Variants in COMMD10 observed in about 807,000 individuals in gnomAD.
The protein encoded by COMMD10 is COMM domain containing 10.
In COMMD10, 33 loss-of-function variants were observed where a neutral mutation model predicts 28.9. The observed-to-expected ratio is 1.14, with a 90% CI of 0.87 to 1.53. COMMD10 has a LOEUF of 1.53. Ranked by LOEUF, COMMD10 falls within the 40% of genes most tolerant of loss-of-function variation. The pLI, the probability that COMMD10 is intolerant of heterozygous loss-of-function variation, is 0.00. For missense variants in COMMD10, 310 were observed against 233.4 expected (o/e 1.33, Z -2.14); for synonymous variants, 110 against 81.7 (o/e 1.35, Z -1.87).
intron 5 of COMMD10, among the ~76,000 whole-genome samples, chr5:116,247,802 G>A (rs1749992761): frequency 6.6e-6 from 1 of 151,952 alleles, no homozygotes; most frequent in Non-Finnish European, 1.5e-5. Flanking sequence ...ACAAACTCTG[G>A]GGTCTATTGG....
intron 2 of COMMD10, 138 bp from the exon 3 acceptor site, chr5:116,090,941 A>G (rs1049527245): frequency 3.6e-6 from 2 of 553,368 alleles, no homozygotes; most frequent in Non-Finnish European, 6.5e-6. Flanking sequence ...ATAAATTTAC[A>G]TGCACATCAG....
At chr5:116,138,204 C>T (rs1752087236) in intron 5 of COMMD10, among the ~76,000 whole-genome samples, 1 of 151,656 alleles carries the variant, frequency 6.6e-6, no homozygotes, top group Non-Finnish European at 1.5e-5. Context: ...CATGATTTGG[C>T]TTTTGAAATT....
At chr5:116,180,093 A>C (rs1342804046) in intron 5 of COMMD10, among the ~76,000 whole-genome samples, 1 of 152,120 alleles carries the variant, frequency 6.6e-6, no homozygotes, top group Non-Finnish European at 1.5e-5. Flanking sequence ...GGTTTTTGAG[A>C]GCTTTCCATA....
intron 5 of COMMD10, among the ~76,000 whole-genome samples, chr5:116,146,100 A>G (rs1162442225): frequency 6.6e-6 from 1 of 151,866 alleles, no homozygotes; most frequent in Non-Finnish European, 1.5e-5. Context: ...GACCTGGTGT[A>G]CAGTTTATCT....
chr5:116,216,371 G>C (rs4921081), intron 5 of COMMD10, among the ~76,000 whole-genome samples: 8,527 of 152,110 alleles, frequency 0.056, 387 homozygotes, highest in African/African-American at 0.12. Context: ...TTGTTCTTGT[G>C]CTTTCAGTAG....
intron 5 of COMMD10, among the ~76,000 whole-genome samples, chr5:116,290,017 G>A (rs773065518): frequency 6.6e-6 from 1 of 151,876 alleles, no homozygotes; most frequent in Non-Finnish European, 1.5e-5. Context: ...ACAAAGCAAA[G>A]CAAAATATAG....
At chr5:116,112,794 A>G (rs1297801590) in intron 4 of COMMD10, among the ~76,000 whole-genome samples, 1 of 151,776 alleles carries the variant, frequency 6.6e-6, no homozygotes, top group Non-Finnish European at 1.5e-5. Flanking sequence ...TGTTCCTGTC[A>G]TATTGTTTTT....
At chr5:116,212,522 G>GTGTGTGTA (rs71223098) in intron 5 of COMMD10, among the ~76,000 whole-genome samples, 26 of 132,134 alleles carry the variant, frequency 2.0e-4, no homozygotes, top group South Asian at 1.1e-3. Flanking sequence ...GTGTGTGTGT[G>GTGTGTGTA]TAGAATGTGA....
chr5:116,114,624 G>GC (rs1185585666), intron 4 of COMMD10, among the ~76,000 whole-genome samples: 1 of 152,214 alleles, frequency 6.6e-6, no homozygotes, highest in East Asian at 1.9e-4. Context: ...GATTGGGAAA[G>GC]CCTGGGCTTG....
chr5:116,089,871 C>G (rs576615481), intron 2 of COMMD10, among the ~76,000 whole-genome samples: 4 of 152,202 alleles, frequency 2.6e-5, no homozygotes, highest in East Asian at 1.9e-4. Flanking sequence ...TAGAGGGGCT[C>G]CTATTTTGAT....
intron 4 of COMMD10, among the ~76,000 whole-genome samples, chr5:116,093,327 G>T (rs141767274): frequency 0.018 from 2,667 of 152,290 alleles, 36 homozygotes; most frequent in Middle Eastern, 0.041. Context: ...AAAAGAGAAT[G>T]CTAGAGTTCA....
At chr5:116,175,015 T>A (rs886455759) in intron 5 of COMMD10, among the ~76,000 whole-genome samples, 2 of 152,096 alleles carry the variant, frequency 1.3e-5, no homozygotes, top group Non-Finnish European at 2.9e-5. Flanking sequence ...GAGAACCAGT[T>A]TGCTGGGGAA....
chr5:116,158,738 C>A (rs2112563986), intron 5 of COMMD10, among the ~76,000 whole-genome samples: 1 of 152,062 alleles, frequency 6.6e-6, no homozygotes, highest in African/African-American at 2.4e-5. Context: ...AAGACTAATT[C>A]ATTCCTGTCT....
chr5:116,114,937 C>G (rs972888888), intron 4 of COMMD10, among the ~76,000 whole-genome samples: 2 of 152,090 alleles, frequency 1.3e-5, no homozygotes, highest in African/African-American at 4.8e-5. Context: ...AGCTCCCAAG[C>G]TGGGGGCTGG....
chr5:116,232,008 G>C (rs558369005), intron 5 of COMMD10, among the ~76,000 whole-genome samples: 18 of 152,208 alleles, frequency 1.2e-4, no homozygotes, highest in African/African-American at 4.3e-4. Context: ...ATTAGTTGTA[G>C]TCAGCTGCAC....
At chr5:116,264,361 A>G (rs1750527227) in intron 5 of COMMD10, among the ~76,000 whole-genome samples, 1 of 151,878 alleles carries the variant, frequency 6.6e-6, no homozygotes, top group African/African-American at 2.4e-5. Flanking sequence ...GTAGTTACAA[A>G]AATTACTGCT....
In COMMD10 at chr5:116,292,451, C is replaced by G; in HGVS notation, c.571C>G (p.Leu191Val). 2 of 1,531,306 alleles carry G rather than the reference C, an allele frequency of 1.3e-6. No homozygotes were observed. Among genetic ancestry groups the G allele is most frequent in the East Asian group, 2.3e-5 (1 of 42,720 alleles). 94.9% of individuals were successfully genotyped at this position (1,531,306 alleles called of 1,614,324 possible). A position where few individuals can be genotyped will look rare whatever the true frequency, so the allele number is the denominator to read the frequency against. The change falls in exon 7 of 7, where the codon CTA (leucine) becomes GTA (valine). Residue 191 changes from leucine to valine, a missense_variant and splice_region_variant. Physicochemically the swap from Leu to Val is conservative, Grantham distance 32 (BLOSUM62 1). Transcript: ENST00000274458. ...HKELFDFYNKLETIQAQLDSL... is the reference protein window; with the variant it reads ...HKELFDFYNKVETIQAQLDSL... Reference sequence around the variant, plus strand: ...TTTTTTTTTTTGTCTTTGTAAATAGCTAGAGACTATACAAGCACAGCTGGA... The same window carrying G: ...TTTTTTTTTTTGTCTTTGTAAATAGGTAGAGACTATACAAGCACAGCTGGA...
intron 5 of COMMD10, among the ~76,000 whole-genome samples, chr5:116,163,592 A>AAAAAAT (rs1279155886): frequency 6.6e-6 from 1 of 152,094 alleles, no homozygotes; most frequent in Non-Finnish European, 1.5e-5. Flanking sequence ...TCTGTCTCCA[A>AAAAAAT]AAAAATAAAA....
chr5:116,188,792 C>T (rs1748242268), intron 5 of COMMD10, among the ~76,000 whole-genome samples: 1 of 151,962 alleles, frequency 6.6e-6, no homozygotes, highest in Admixed American at 6.6e-5. Flanking sequence ...CCACACTTGA[C>T]TAATCTTTGT....
Sources: allele counts gnomAD v4.1 joint callset (sites outside exome capture counted in the v4.1 genomes callset), GRCh38; gene constraint gnomAD v4.1.1; transcripts MANE v1.5; gene names NCBI Gene and HGNC (gene_info 2026-07-23, HGNC 2026-07-21).